KCNH1: variants seen among roughly 807,000 people sequenced by gnomAD.
KCNH1 encodes the protein potassium voltage-gated channel subfamily H member 1.
KCNH1 carries 27 observed loss-of-function variants against 69.2 expected under a neutral mutation model. That is an observed-to-expected ratio of 0.39 (90% CI 0.29 to 0.54). KCNH1 has a LOEUF of 0.54. KCNH1 is among the 20% of genes least tolerant of loss of function. KCNH1 has a pLI of 0.68. For synonymous variants in KCNH1, 456 were observed against 487.7 expected (o/e 0.93, Z 0.86); for missense variants, 798 against 1,261.6 (o/e 0.63, Z 5.57).
At position 211,091,969 on chromosome 1, in the gene KCNH1, T is replaced by C. The variant is rs186695630; in HGVS notation, c.311-1279A>G. ...AATGTTCTTTTCTTCCTAGTTCTTA[T>C]ATTCCAGTTCCTACAACAGCATCTA... On this transcript the variant is annotated intron_variant, in intron 3 of 10. Transcript: ENST00000271751. Among the ~76,000 whole-genome samples, 340 of 152,386 alleles carry C rather than the reference T, an allele frequency of 2.2e-3. 1 individual carries two copies. The highest frequency in any genetic ancestry group is 7.7e-3 in the African/African-American group (322 of 41,596).
At chr1:210,705,070 C>T (rs561877447) in intron 10 of KCNH1, among the ~76,000 whole-genome samples, 5 of 152,180 alleles carry the variant, frequency 3.3e-5, no homozygotes, top group Admixed American at 1.3e-4. Context: ...GCGGCCCCTG[C>T]GCAGGAGACA....
At chr1:210,775,847 T>C (rs966470648) in intron 9 of KCNH1, among the ~76,000 whole-genome samples, 8 of 152,208 alleles carry the variant, frequency 5.3e-5, no homozygotes, top group Admixed American at 1.3e-4. Context: ...CATTATTCTT[T>C]ATCACACCCC....
intron 7 of KCNH1, among the ~76,000 whole-genome samples, chr1:210,905,509 T>C (rs1264778027): frequency 6.6e-6 from 1 of 152,126 alleles, no homozygotes; most frequent in African/African-American, 2.4e-5. Context: ...CAAGCATTGG[T>C]TCCAGAGAGT....
chr1:210,806,822 A>ATATATATATATATATATATATATAT (rs1553346543), intron 7 of KCNH1, among the ~76,000 whole-genome samples: 13 of 42,104 alleles, frequency 3.1e-4, no homozygotes, highest in South Asian at 2.9e-3. Flanking sequence ...AAAAAAAAAA[A>ATATATATATATATATATATATATAT]AAAAAAAAAA....
At position 210,683,226 on chromosome 1, in the gene KCNH1, T is replaced by C; in HGVS notation, c.*55A>G. The C allele has an allele frequency of 6.5e-7, 1 of 1,529,934 alleles. No individual in the cohort carries two copies. Among genetic ancestry groups the C allele is most frequent in the South Asian group, 1.2e-5 (1 of 81,390 alleles). 94.8% of individuals were successfully genotyped at this position (1,529,934 alleles called of 1,614,324 possible). On this transcript the variant is annotated 3_prime_UTR_variant, in exon 11 of 11. Transcript: ENST00000271751. This position sits in a 1 kb window ranked among gnomAD's most constrained non-coding sequence, Gnocchi z 5.7. ...ATGTGGACATATGTGGTAGGGGTGGTGGTGACGGCAGGGTTGGAGGTATCT... is the reference window on the plus strand; with the variant it reads ...ATGTGGACATATGTGGTAGGGGTGGCGGTGACGGCAGGGTTGGAGGTATCT...
intron 10 of KCNH1, among the ~76,000 whole-genome samples, chr1:210,694,069 C>G (rs964645835): frequency 6.6e-6 from 1 of 152,166 alleles, no homozygotes; most frequent in African/African-American, 2.4e-5. Context: ...CTCCCTACTT[C>G]CATTAAAAGC....
intron 7 of KCNH1, among the ~76,000 whole-genome samples, chr1:210,910,176 A>G (rs1687199826): frequency 6.6e-6 from 1 of 151,174 alleles, no homozygotes; most frequent in South Asian, 2.1e-4. Flanking sequence ...GTGGTCGTCA[A>G]GCACCAAAAA....
intron 7 of KCNH1, among the ~76,000 whole-genome samples, chr1:210,909,623 G>C (rs1687186113): frequency 6.6e-6 from 1 of 152,210 alleles, no homozygotes; most frequent in African/African-American, 2.4e-5. Flanking sequence ...ACCCATGCTT[G>C]TCTCCTTTTG....
chr1:210,813,531 T>C (rs1384947557), intron 7 of KCNH1, among the ~76,000 whole-genome samples: 1 of 152,230 alleles, frequency 6.6e-6, no homozygotes, highest in Non-Finnish European at 1.5e-5. Flanking sequence ...ATCCAGCCCA[T>C]GTAAGAGCAA....
In KCNH1 at chr1:210,815,950, G is replaced by A. The variant is rs781571234; in HGVS notation, c.1463-11784C>T. ...CTGATTTCTGTTCCAAAAGCAAAGT[G>A]GTATATTTAAAGGCGGGACATCTGT... is the stretch of plus-strand genomic sequence containing the variant. On this transcript the variant is annotated intron_variant, in intron 7 of 10. Coordinates refer to ENST00000271751, the MANE Select transcript of KCNH1 (RefSeq NM_172362.3). Among the ~76,000 whole-genome samples, 20 of 152,150 alleles carry A rather than the reference G, an allele frequency of 1.3e-4. 1 individual carries two copies. The highest frequency in any genetic ancestry group is 3.3e-4 in the Admixed American group (5 of 15,272).
intron 10 of KCNH1, among the ~76,000 whole-genome samples, chr1:210,712,102 G>C (rs777449324): frequency 1.3e-5 from 2 of 152,160 alleles, no homozygotes; most frequent in Non-Finnish European, 2.9e-5. Context: ...TTAACACCAT[G>C]AAGTCTAGCA....
chr1:210,687,578 CAG>C (rs1432529066), intron 10 of KCNH1, among the ~76,000 whole-genome samples: 2 of 152,198 alleles, frequency 1.3e-5, no homozygotes, highest in Non-Finnish European at 2.9e-5. Context: ...CTTTGAGAAT[CAG>C]AGGGGTAAAA....
chr1:210,913,566 A>G (rs1445483550), intron 7 of KCNH1, among the ~76,000 whole-genome samples: 2 of 152,176 alleles, frequency 1.3e-5, no homozygotes, highest in Non-Finnish European at 2.9e-5. Context: ...ATCCACAAAA[A>G]TAGAGGATAC....
At chr1:210,710,342 C>A (rs535766379) in intron 10 of KCNH1, among the ~76,000 whole-genome samples, 251 of 151,812 alleles carry the variant, frequency 1.7e-3, no homozygotes, top group Non-Finnish European at 2.9e-3. Flanking sequence ...TTCCTGTACA[C>A]TACTATAGAC....
At chr1:211,111,067 T>C (rs1313582775) in intron 1 of KCNH1, among the ~76,000 whole-genome samples, 1 of 152,102 alleles carries the variant, frequency 6.6e-6, no homozygotes, top group Non-Finnish European at 1.5e-5. Flanking sequence ...AAAATAACTA[T>C]GTACTTAATT....
chr1:210,752,222 A>C (rs1452217506), intron 10 of KCNH1, among the ~76,000 whole-genome samples: 1 of 152,198 alleles, frequency 6.6e-6, no homozygotes, highest in East Asian at 1.9e-4. Context: ...AGAACAAGAA[A>C]AGGACAGAGA....
chr1:210,897,506 A>T (rs1257509203), intron 7 of KCNH1, among the ~76,000 whole-genome samples: 2 of 152,142 alleles, frequency 1.3e-5, no homozygotes, highest in African/African-American at 4.8e-5. Context: ...TCCTAGACAC[A>T]GTGATGAGGA....
At chr1:211,001,222 A>G (rs542817826) in intron 6 of KCNH1, among the ~76,000 whole-genome samples, 3 of 152,360 alleles carry the variant, frequency 2.0e-5, no homozygotes, top group African/African-American at 7.2e-5. Flanking sequence ...CAGAGTGAAC[A>G]GGCAACCTAC....
chr1:210,915,175 G>C (rs1250523513), intron 7 of KCNH1, among the ~76,000 whole-genome samples: 1 of 152,114 alleles, frequency 6.6e-6, no homozygotes, highest in South Asian at 2.1e-4. Context: ...CCAGGGAAAG[G>C]CTCAGCCACA....
Sources: gnomAD v4.1 joint callset for allele counts (sites outside exome capture counted in the v4.1 genomes callset) on GRCh38, gnomAD v4.1.1 for gene constraint, Gnocchi (gnomAD v3.1) non-coding constraint, MANE v1.5 for transcripts, NCBI Gene and HGNC (gene_info 2026-07-23, HGNC 2026-07-21) for gene names.